Variants in NR3C2 observed in about 807,000 individuals in gnomAD.
The protein encoded by NR3C2 is mineralocorticoid receptor.
NR3C2 carries 15 observed loss-of-function variants against 86.4 expected under a neutral mutation model. The ratio of observed to expected loss-of-function variants is 0.17; its 90% CI spans 0.12 to 0.27. NR3C2 has a LOEUF of 0.27. NR3C2 is among the 10% of genes least tolerant of loss of function. NR3C2 has a pLI of 1.00. For synonymous variants in NR3C2, 458 were observed against 450.5 expected, an observed-to-expected ratio of 1.02 and a Z score of -0.21; for missense variants, 960 against 1,195.6, an observed-to-expected ratio of 0.80 and a Z score of 2.91.
chr4:148,173,822 C>A (rs1298305774), intron 4 of NR3C2, among the ~76,000 whole-genome samples: 1 of 152,214 alleles, frequency 6.6e-6, no homozygotes, highest in African/African-American at 2.4e-5. Flanking sequence ...GCTGACACAG[C>A]AGAAACTGCT....
At chr4:148,210,477 C>G (rs1737229581) in intron 3 of NR3C2, among the ~76,000 whole-genome samples, 1 of 152,210 alleles carries the variant, frequency 6.6e-6, no homozygotes, top group Non-Finnish European at 1.5e-5. Flanking sequence ...AGGCAGGAGC[C>G]ATTGCACCCA....
intron 2 of NR3C2, among the ~76,000 whole-genome samples, chr4:148,371,987 A>G (rs1746445383): frequency 6.6e-6 from 1 of 152,180 alleles, no homozygotes; most frequent in African/African-American, 2.4e-5. Context: ...TATACCAACT[A>G]CAGTTGGCCT....
At chr4:148,345,005 T>C (rs980193381) in intron 2 of NR3C2, among the ~76,000 whole-genome samples, 29 of 152,164 alleles carry the variant, frequency 1.9e-4, no homozygotes, top group Admixed American at 1.8e-3. Flanking sequence ...TTTCAAAGCA[T>C]GCATCCATGA....
intron 2 of NR3C2, among the ~76,000 whole-genome samples, chr4:148,279,689 G>A (rs1186751635): frequency 6.6e-6 from 1 of 152,106 alleles, no homozygotes; most frequent in African/African-American, 2.4e-5. Context: ...ATCAAGCATT[G>A]CATACATTCT....
chr4:148,101,404 C>T (rs1560921800), intron 8 of NR3C2, among the ~76,000 whole-genome samples: 1 of 151,946 alleles, frequency 6.6e-6, no homozygotes, highest in Non-Finnish European at 1.5e-5. Context: ...TGATCAAGCA[C>T]GAAAGACTGA....
intron 2 of NR3C2, among the ~76,000 whole-genome samples, chr4:148,271,553 C>T (rs1740685494): frequency 6.6e-6 from 1 of 152,084 alleles, no homozygotes; most frequent in African/African-American, 2.4e-5. Flanking sequence ...TATTTATTTC[C>T]TTAGCCACCA....
chr4:148,415,573 T>C (rs560244929), intron 2 of NR3C2, among the ~76,000 whole-genome samples: 2 of 152,152 alleles, frequency 1.3e-5, no homozygotes, highest in Non-Finnish European at 2.9e-5. Flanking sequence ...AAAAGCAGCA[T>C]TCTCAGGGGG....
intron 2 of NR3C2, among the ~76,000 whole-genome samples, chr4:148,415,061 C>A (rs1748925152): frequency 6.6e-6 from 1 of 152,176 alleles, no homozygotes; most frequent in South Asian, 2.1e-4. Flanking sequence ...CAGTGATTCA[C>A]CTAATACCAA....
rs1579128526 is a variant in NR3C2, at chr4:148,303,859, A to G, written c.1758-43742T>C. ...CTCCTGACACCAGGGAAGACAGGGC[A>G]TACATGGGTATGAGCGGATATTTCC... On this transcript the variant is annotated intron_variant, in intron 2 of 8. Coordinates refer to ENST00000358102, the MANE Select transcript of NR3C2 (RefSeq NM_000901.5). Among the ~76,000 whole-genome samples the G allele has an allele frequency of 2.0e-5, 3 of 152,360 alleles. No homozygotes were observed. The South Asian group carries it at 6.2e-4, about 32-fold the overall frequency.
chr4:148,288,957 A>AGAATG (rs1741665804), intron 2 of NR3C2, among the ~76,000 whole-genome samples: 1 of 152,164 alleles, frequency 6.6e-6, no homozygotes, highest in Admixed American at 6.6e-5. Flanking sequence ...CCATTCTTTA[A>AGAATG]CAAGTTGATG....
At chr4:148,308,550 A>T (rs1742752864) in intron 2 of NR3C2, among the ~76,000 whole-genome samples, 1 of 152,176 alleles carries the variant, frequency 6.6e-6, no homozygotes, top group Non-Finnish European at 1.5e-5. Context: ...TAGAAGCAAA[A>T]AGTAGAACAG....
chr4:148,235,064 C>A (rs1164132467), intron 3 of NR3C2, among the ~76,000 whole-genome samples: 2 of 152,014 alleles, frequency 1.3e-5, no homozygotes, highest in African/African-American at 4.8e-5. Context: ...AAAATGACAA[C>A]TCCTGGTTAC....
At chr4:148,161,477 G>T (rs1258135859) in intron 4 of NR3C2, among the ~76,000 whole-genome samples, 1 of 151,880 alleles carries the variant, frequency 6.6e-6, no homozygotes, top group Non-Finnish European at 1.5e-5. Flanking sequence ...AGCCTCCCAA[G>T]TAGATGGGAT....
In NR3C2 at chr4:148,391,515, C is replaced by T. The variant is rs180990093; in HGVS notation, c.1757+43589G>A. Among the ~76,000 whole-genome samples the T allele has an allele frequency of 2.6e-5, 4 of 152,152 alleles. No individual in the cohort carries two copies. In the East Asian group the frequency reaches 7.7e-4, roughly 29 times the overall value. Reference sequence around the variant, plus strand: ...AGGAAAGAAAGCCATGGCCTTGATCCAAATTTAGCAGAATGTTGACAAATC... The same window carrying T: ...AGGAAAGAAAGCCATGGCCTTGATCTAAATTTAGCAGAATGTTGACAAATC... On this transcript the variant is annotated intron_variant, in intron 2 of 8. Coordinates refer to ENST00000358102, the MANE Select transcript of NR3C2 (RefSeq NM_000901.5).
chr4:148,445,113 G>T, upstream of NR3C2: 2 of 560,428 alleles, frequency 3.6e-6, no homozygotes, highest in South Asian at 1.5e-4. Flanking sequence ...TACGGCCACT[G>T]ACAACCTGGA....
At chr4:148,176,557 A>G (rs1735384526) in intron 4 of NR3C2, among the ~76,000 whole-genome samples, 1 of 152,228 alleles carries the variant, frequency 6.6e-6, no homozygotes, top group South Asian at 2.1e-4. Context: ...AGTTACAGAT[A>G]TCACTTTGAA....
chr4:148,436,196 C>G lies in NR3C2; in HGVS notation c.665G>C (p.Ser222Thr), dbSNP rs544822637. ...SVSSTTASFG[S>T]FPVHSPITQG... ...GGTGATTGGGCTGTGCACTGGAAAA[C>G]TGCCAAAGCTGGCTGTGGTGGAGGA... The change falls in exon 2 of 9, where the codon AGT (serine) becomes ACT (threonine). Residue 222 changes from serine to threonine, a missense_variant. Physicochemically the swap from Ser to Thr is moderately conservative, Grantham distance 58. Around this residue, in one of 4 missense-constraint regions of NR3C2, gnomAD observed 680 missense variants for 719.0 expected, o/e 0.95. Transcript: ENST00000358102. 1 of 1,614,164 alleles carries G rather than the reference C, an allele frequency of 6.2e-7. No homozygotes were observed.
chr4:148,240,248 AT>A (rs1417197902), intron 3 of NR3C2, among the ~76,000 whole-genome samples: 3 of 147,690 alleles, frequency 2.0e-5, no homozygotes, highest in Admixed American at 6.8e-5. Flanking sequence ...AATTATATAT[AT>A]ATTTATATAT....
At chr4:148,082,664 AG>A (rs1730622987) in intron 8 of NR3C2, among the ~76,000 whole-genome samples, 2 of 61,508 alleles carry the variant, frequency 3.3e-5, no homozygotes, top group African/African-American at 9.0e-5. Flanking sequence ...AGCTAGCTGC[AG>A]TTTTTTTTTT....
Sources: allele counts gnomAD v4.1 joint callset (sites outside exome capture counted in the v4.1 genomes callset), GRCh38; gene constraint gnomAD v4.1.1; regional missense constraint gnomAD v4.1.1; transcripts MANE v1.5; gene names NCBI Gene and HGNC (gene_info 2026-07-23, HGNC 2026-07-21).